Variants in MMUT observed in about 807,000 individuals in gnomAD.
MMUT encodes the protein methylmalonyl-CoA mutase.
A neutral mutation model predicts 79.9 loss-of-function variants in MMUT; 79 were observed. That is an observed-to-expected ratio of 0.99 (90% CI 0.82 to 1.19). MMUT has a LOEUF of 1.19. Among genes scored for constraint, MMUT ranks in the 50% most tolerant of loss-of-function variants. The pLI, the probability that MMUT is intolerant of heterozygous loss-of-function variation, is 0.00. For synonymous variants in MMUT, 273 were observed against 295.7 expected, an observed-to-expected ratio of 0.92 and a Z score of 0.79; for missense variants, 860 against 917.2, an observed-to-expected ratio of 0.94 and a Z score of 0.81.
chr6:49,432,187 G>A (rs1252548393), intron 12 of MMUT, among the ~76,000 whole-genome samples: 3 of 152,134 alleles, frequency 2.0e-5, no homozygotes, highest in African/African-American at 7.2e-5. Context: ...TTCACTAGTT[G>A]TCATTATGTG....
chr6:49,447,902 A>T (rs1049026931), intron 7 of MMUT, 117 bp from the exon 8 acceptor site: 1 of 669,728 alleles, frequency 1.5e-6, no homozygotes, highest in African/African-American at 1.8e-5. Context: ...TTAATTCTTA[A>T]TGCAACTTCA....
intron 1 of MMUT, among the ~76,000 whole-genome samples, chr6:49,460,119 C>A (rs1767803234): frequency 6.6e-6 from 1 of 152,188 alleles, no homozygotes; most frequent in African/African-American, 2.4e-5. Flanking sequence ...TGCTCTTGCT[C>A]TTCCTTCTGC....
In MMUT at chr6:49,444,646, G is replaced by A. The variant is rs886061559; in HGVS notation, c.1669C>T (p.Arg557Trp). ...AAACTTATATATCTTCACCTTGCCCGAGATGCATCCACTGCAAGAGCCAGG... is the reference window on the plus strand; with the variant it reads ...AAACTTATATATCTTCACCTTGCCCAAGATGCATCCACTGCAAGAGCCAGG... Reference protein sequence around the residue: ...NILALAVDASRARCTVGEITD... With the variant: ...NILALAVDASWARCTVGEITD... Residue 557 changes from arginine (R) to tryptophan (W), a missense_variant, in exon 9 of 13, where the codon CGG becomes TGG. Coordinates refer to ENST00000274813, the MANE Select transcript of MMUT (RefSeq NM_000255.4). 5.0e-6 allele frequency: 8 copies of A among 1,612,402 alleles called. No homozygotes were observed. The highest frequency in any genetic ancestry group is 1.7e-5 in the Admixed American group (1 of 59,948).
chr6:49,433,137 T>A (rs895229657), intron 12 of MMUT, among the ~76,000 whole-genome samples: 17 of 152,206 alleles, frequency 1.1e-4, no homozygotes, highest in Non-Finnish European at 2.1e-4. Flanking sequence ...TCAAAACATG[T>A]CATTGTTCTT....
At chr6:49,439,441 C>G (rs888226074) in intron 11 of MMUT, among the ~76,000 whole-genome samples, 3 of 152,174 alleles carry the variant, frequency 2.0e-5, no homozygotes, top group African/African-American at 7.2e-5. Flanking sequence ...CCTCAAGCAC[C>G]ATTGGATCTG....
chr6:49,447,691 C>A lies in MMUT; in HGVS notation c.1539G>T (p.Arg513Ser). Reference sequence around the variant, plus strand: ...ATACCTTCTTAAGTTTTTCAATCTGCCTGTTTCGCACTGAAGTATTATCAA... The same window carrying A: ...ATACCTTCTTAAGTTTTTCAATCTGACTGTTTCGCACTGAAGTATTATCAA... ...LAIDNTSVRNRQIEKLKKIKS... is the reference protein window; with the variant it reads ...LAIDNTSVRNSQIEKLKKIKS... Residue 513 changes from arginine to serine, a missense_variant, in exon 8 of 13, where the codon AGG becomes AGT. Arg to Ser is a moderately radical substitution (Grantham distance 110). Transcript: ENST00000274813. The A allele has an allele frequency of 6.2e-7, 1 of 1,607,834 alleles. No individual in the cohort carries two copies. Among genetic ancestry groups the A allele is most frequent in the Non-Finnish European group, 8.5e-7 (1 of 1,175,648 alleles).
chr6:49,452,251 T>C (rs1767573180), intron 5 of MMUT, among the ~76,000 whole-genome samples: 1 of 152,212 alleles, frequency 6.6e-6, no homozygotes, highest in Non-Finnish European at 1.5e-5. Flanking sequence ...ATAAGCAGGT[T>C]AAAATAAAAA....
intron 9 of MMUT, among the ~76,000 whole-genome samples, chr6:49,444,307 G>C (rs887613579): frequency 2.6e-5 from 4 of 152,002 alleles, no homozygotes; most frequent in African/African-American, 9.6e-5. Context: ...CATTTTAACT[G>C]GTAAAATACC....
In MMUT at chr6:49,459,590, G is replaced by C. The variant is rs541787556; in HGVS notation, c.-39-85C>G. 3 of 1,062,816 alleles carry C rather than the reference G, an allele frequency of 2.8e-6. No individual in the cohort carries two copies. The African/African-American group carries it at 4.8e-5, about 17-fold the overall frequency. 65.8% of individuals were successfully genotyped at this position (1,062,816 alleles called of 1,614,324 possible). A position where few individuals can be genotyped will look rare whatever the true frequency, so the allele number is the denominator to read the frequency against. The stretch of plus-strand genomic sequence containing the variant: ...TCATAAGAAAGGAACAGAAAAGAAA[G>C]AGGATGTATTAGTCTGATTTCATTT... On this transcript the variant is annotated intron_variant, in intron 1 of 12. Coordinates refer to ENST00000274813, the MANE Select transcript of MMUT (RefSeq NM_000255.4).
rs1767471152 is a variant in MMUT, at chr6:49,448,668, A to G, written c.1444+148T>C. The stretch of plus-strand genomic sequence containing the variant: ...CATCCATGTATGTGAAAATACATAT[A>G]TAGATAGATACAAGTATATGAGAAA... On this transcript the variant is annotated intron_variant, in intron 7 of 12. Coordinates refer to ENST00000274813, the MANE Select transcript of MMUT (RefSeq NM_000255.4). 4 of 666,796 alleles carry G rather than the reference A, an allele frequency of 6.0e-6. No individual in the cohort carries two copies. The South Asian group carries it at 7.1e-5, about 12-fold the overall frequency. 41.3% of individuals were successfully genotyped at this position (666,796 alleles called of 1,614,324 possible). A position where few individuals can be genotyped will look rare whatever the true frequency, so the allele number is the denominator to read the frequency against.
At position 49,459,444 on chromosome 6, in the gene MMUT, A is replaced by T; in HGVS notation, c.23T>A (p.Leu8His). 1 of 1,612,988 alleles carries T rather than the reference A, an allele frequency of 6.2e-7. No homozygotes were observed. The highest frequency in any genetic ancestry group is 1.1e-5 in the South Asian group (1 of 91,048). The change falls in exon 2 of 13, where the codon CTT (leucine) becomes CAT (histidine). Residue 8 changes from leucine (L) to histidine (H), a missense_variant. By Grantham distance (99) the Leu-to-His change is moderately conservative. Coordinates refer to ENST00000274813, the MANE Select transcript of MMUT (RefSeq NM_000255.4). ...CAGGTAATGAGGTGAAAGTAAAAAAAGCTGATTCTTAGCTCTTAACATGGT... is the reference window on the plus strand; with the variant it reads ...CAGGTAATGAGGTGAAAGTAAAAAATGCTGATTCTTAGCTCTTAACATGGT... MLRAKNQ[L>H]FLLSPHYLRQ...
Position 49,453,713 on chromosome 6 carries a change from T to C in MMUT, c.955A>G (p.Ile319Val). 2 of 1,613,434 alleles carry C rather than the reference T, an allele frequency of 1.2e-6. No homozygotes were observed. Among genetic ancestry groups the C allele is most frequent in the Non-Finnish European group, 1.7e-6 (2 of 1,179,652 alleles). ...WGIGMNFYMEIAKMRAGRRLW... is the reference protein window; with the variant it reads ...WGIGMNFYMEVAKMRAGRRLW... ...CTTCTACCAGCTCTCATCTTTGCTA[T>C]TTCCATATAGAAATTCATTCCAATT... Residue 319 changes from isoleucine (I) to valine (V), a missense_variant, in exon 5 of 13, where the codon ATA becomes GTA. Coordinates refer to ENST00000274813, the MANE Select transcript of MMUT (RefSeq NM_000255.4).
In MMUT at chr6:49,459,388, G is replaced by C. The variant is rs765349557; in HGVS notation, c.79C>G (p.Leu27Val). 1.2e-6 allele frequency: 2 copies of C among 1,613,636 alleles called. No homozygotes were observed. The highest frequency in any genetic ancestry group is 1.7e-6 in the Non-Finnish European group (2 of 1,179,914). ...TGGTGTAGAAGTCGTTGCTGTATGA[G>C]CCTGGAGCCTGATGATTCTTTTACC... ...RQVKESSGSRLIQQRLLHQQQ... is the reference protein window; with the variant it reads ...RQVKESSGSRVIQQRLLHQQQ... Residue 27 changes from leucine to valine, a missense_variant, in exon 2 of 13, where the codon CTC (leucine) becomes GTC (valine). Coordinates refer to ENST00000274813, the MANE Select transcript of MMUT (RefSeq NM_000255.4).
At chr6:49,449,944 A>G (rs1312451956) in intron 6 of MMUT, among the ~76,000 whole-genome samples, 1 of 152,112 alleles carries the variant, frequency 6.6e-6, no homozygotes, top group East Asian at 1.9e-4. Context: ...TAGAAAAGAT[A>G]AGAGCAGGCA....
chr6:49,437,407 G>GA (rs1409132729), intron 11 of MMUT, among the ~76,000 whole-genome samples: 2 of 151,882 alleles, frequency 1.3e-5, no homozygotes, highest in African/African-American at 2.4e-5. Flanking sequence ...CTACCATATA[G>GA]AAAAAATAGA....
intron 9 of MMUT, 46 bp downstream of exon 9, chr6:49,444,593 G>A (rs769123829): frequency 6.6e-7 from 1 of 1,507,680 alleles, no homozygotes. Flanking sequence ...AAGCTAAACT[G>A]GTCAACTTTT....
intron 7 of MMUT, 71 bp downstream of exon 7, chr6:49,448,745 G>A (rs1394712743): frequency 7.7e-7 from 1 of 1,298,290 alleles, no homozygotes; most frequent in Non-Finnish European, 1.1e-6. Context: ...AACTATACAT[G>A]TTATCTTCAA....
intron 9 of MMUT, among the ~76,000 whole-genome samples, chr6:49,443,483 T>C (rs1460392694): frequency 6.6e-6 from 1 of 152,108 alleles, no homozygotes; most frequent in Non-Finnish European, 1.5e-5. Flanking sequence ...CTATTAATAT[T>C]GTAGTAACAA....
chr6:49,463,158 C>T lies in MMUT; in HGVS notation c.-95G>A, dbSNP rs933565345. Reference sequence around the variant, plus strand: ...AGAGGGCGGCTGCACTTCTGCGTCCCCCGCCTCACCTGTCAGACATCCACA... The same window carrying T: ...AGAGGGCGGCTGCACTTCTGCGTCCTCCGCCTCACCTGTCAGACATCCACA... On this transcript the variant is annotated 5_prime_UTR_variant, in exon 1 of 13. Coordinates refer to ENST00000274813, the MANE Select transcript of MMUT (RefSeq NM_000255.4). The T allele has an allele frequency of 1.3e-5, 2 of 152,410 alleles. No homozygotes were observed. The highest frequency in any genetic ancestry group is 2.9e-5 in the Non-Finnish European group (2 of 68,180). 9.4% of individuals were successfully genotyped at this position (152,410 alleles called of 1,614,324 possible).
Sources: allele counts gnomAD v4.1 joint callset (sites outside exome capture counted in the v4.1 genomes callset), GRCh38; gene constraint gnomAD v4.1.1; transcripts MANE v1.5; gene names NCBI Gene and HGNC (gene_info 2026-07-23, HGNC 2026-07-21).